EPB41L5: variants seen among roughly 807,000 people sequenced by gnomAD.
The protein encoded by EPB41L5 is band 4.1-like protein 5.
A neutral mutation model predicts 106.6 loss-of-function variants in EPB41L5; 55 were observed. The observed-to-expected ratio is 0.52, with a 90% CI of 0.42 to 0.65. The LOEUF is 0.65. Among genes scored for constraint, EPB41L5 ranks in the 30% least tolerant of loss-of-function variants. The probability of loss-of-function intolerance (pLI) is 0.00; values close to 1 mark genes in which losing one functional copy is unlikely to be tolerated. For synonymous variants in EPB41L5, 297 were observed against 306.7 expected (o/e 0.97, Z 0.33); for missense variants, 871 against 882.1 (o/e 0.99, Z 0.16).
chr2:120,017,887 C>A (rs986131535), intron 1 of EPB41L5, among the ~76,000 whole-genome samples: 2 of 152,166 alleles, frequency 1.3e-5, no homozygotes, highest in Non-Finnish European at 2.9e-5. Flanking sequence ...AGCTCCGCCT[C>A]CCGGGTTCAC....
chr2:120,130,320 G>C (rs950234290), intron 17 of EPB41L5, among the ~76,000 whole-genome samples: 3 of 152,142 alleles, frequency 2.0e-5, no homozygotes, highest in African/African-American at 4.8e-5. Flanking sequence ...AAATCAATCA[G>C]TGAGAATAAT....
intron 3 of EPB41L5, among the ~76,000 whole-genome samples, chr2:120,049,743 A>AACTAGCTC (rs1183925588): frequency 5.9e-5 from 9 of 152,254 alleles, no homozygotes; most frequent in African/African-American, 2.2e-4. Context: ...TAGTTGATGC[A>AACTAGCTC]GTTTCTTCCT....
chr2:120,048,120 C>CTCT (rs142761651), intron 3 of EPB41L5, among the ~76,000 whole-genome samples: 2 of 151,034 alleles, frequency 1.3e-5, no homozygotes, highest in African/African-American at 2.4e-5. Context: ...GTCTAAAATT[C>CTCT]TTTTTTTGTT....
At chr2:120,173,365 G>T (rs996326027) in intron 24 of EPB41L5, among the ~76,000 whole-genome samples, 1 of 152,100 alleles carries the variant, frequency 6.6e-6, no homozygotes, top group Admixed American at 6.5e-5. Context: ...GAACTTTGGG[G>T]GGTCGTGAGG....
chr2:120,040,189 G>GT (rs1394589064), intron 2 of EPB41L5, among the ~76,000 whole-genome samples: 1 of 151,980 alleles, frequency 6.6e-6, no homozygotes, highest in Non-Finnish European at 1.5e-5. Context: ...AACAATAGAG[G>GT]TTGACGTCTA....
intron 24 of EPB41L5, among the ~76,000 whole-genome samples, chr2:120,172,399 A>G (rs1280492656): frequency 1.3e-5 from 2 of 152,164 alleles, no homozygotes; most frequent in African/African-American, 4.8e-5. Flanking sequence ...AGCAAAGGGG[A>G]AAAACGGAGT....
rs758852776 is a variant in EPB41L5 at position 120,104,238 on chromosome 2, T to C, written c.1337+3424T>C. The C allele has an allele frequency of 2.5e-5, 38 of 1,535,458 alleles. No individual in the cohort carries two copies. The South Asian group carries it at 4.2e-4, about 17-fold the overall frequency. On this transcript the variant is annotated intron_variant, in intron 16 of 24. Transcript: ENST00000263713. ...TGGCCATACAGCCATGACTGAGATA[T>C]GAGTGTTGAGCCTCTTAGGCTTTGG...
At chr2:120,117,400 A>T (rs953512996) in intron 16 of EPB41L5, among the ~76,000 whole-genome samples, 4 of 152,318 alleles carry the variant, frequency 2.6e-5, no homozygotes, top group Admixed American at 1.3e-4. Context: ...TTGCACTTCA[A>T]ATTTACTTGG....
intron 14 of EPB41L5, among the ~76,000 whole-genome samples, chr2:120,098,156 T>TGTGTGTGTGTGTG (rs146897019): frequency 1.8e-4 from 24 of 133,728 alleles, no homozygotes; most frequent in South Asian, 1.0e-3. Context: ...ATTGTTTGTT[T>TGTGTGTGTGTGTG]TGTGTGTGTG....
rs760041175 is a variant in EPB41L5 at position 120,127,889 on chromosome 2, T to C, written c.1501+38T>C. Reference sequence around the variant, plus strand: ...TCCATTATACATCAGTGATACCTTTTTATCTTCCTTTGAAATAAGATATTT... The same window carrying C: ...TCCATTATACATCAGTGATACCTTTCTATCTTCCTTTGAAATAAGATATTT... On this transcript the variant is annotated intron_variant, in intron 17 of 24. Coordinates refer to ENST00000263713, the MANE Select transcript of EPB41L5 (RefSeq NM_020909.4). 8.1e-6 allele frequency: 12 copies of C among 1,477,058 alleles called. No individual in the cohort carries two copies. The East Asian group carries it at 1.9e-4, about 23-fold the overall frequency. 91.5% of individuals were successfully genotyped at this position (1,477,058 alleles called of 1,614,324 possible). A position where few individuals can be genotyped will look rare whatever the true frequency, so the allele number is the denominator to read the frequency against.
chr2:120,153,285 G>A (rs1686758109), intron 20 of EPB41L5, among the ~76,000 whole-genome samples: 1 of 151,734 alleles, frequency 6.6e-6, no homozygotes, highest in South Asian at 2.1e-4. Context: ...CTGTATTTAT[G>A]AATTTTCCAG....
At chr2:120,052,013 G>C (rs755075738) in intron 3 of EPB41L5, among the ~76,000 whole-genome samples, 1 of 152,158 alleles carries the variant, frequency 6.6e-6, no homozygotes, top group Non-Finnish European at 1.5e-5. Flanking sequence ...TTTTAGTACA[G>C]ACAGGGTTTC....
rs777109357 is a variant in EPB41L5, at chr2:120,087,256, T to C, written c.873+16T>C. The C allele has an allele frequency of 2.8e-6, 4 of 1,407,012 alleles. No individual in the cohort carries two copies. The Admixed American group carries it at 5.2e-5, about 18-fold the overall frequency. The allele number at this position is 1,407,012 out of a possible 1,614,324, so 87.2% of individuals were successfully genotyped here. A position where few individuals can be genotyped will look rare whatever the true frequency, so the allele number is the denominator to read the frequency against. ...TGATGATCAGGTAGGAATAAAATTA[T>C]ATTCTATTACTTGTGTAACAGTGAC... On this transcript the variant is annotated intron_variant, in intron 11 of 24. Coordinates refer to ENST00000263713, the MANE Select transcript of EPB41L5 (RefSeq NM_020909.4).
chr2:120,021,563 C>A (rs1490958892), intron 2 of EPB41L5, among the ~76,000 whole-genome samples: 1 of 152,106 alleles, frequency 6.6e-6, no homozygotes, highest in Non-Finnish European at 1.5e-5. Flanking sequence ...ATCGCTTGAA[C>A]CCAGGAGGCA....
At chr2:120,142,751 T>TG (rs1686233388) in intron 18 of EPB41L5, among the ~76,000 whole-genome samples, 1 of 152,190 alleles carries the variant, frequency 6.6e-6, no homozygotes, top group Non-Finnish European at 1.5e-5. Context: ...AACAGGTGGT[T>TG]GGCCAGATTT....
At chr2:120,152,810 G>A (rs559875810) in intron 20 of EPB41L5, among the ~76,000 whole-genome samples, 35 of 152,240 alleles carry the variant, frequency 2.3e-4, no homozygotes, top group African/African-American at 7.7e-4. Context: ...TTTCCATTTC[G>A]TCTTAAGTCA....
intron 3 of EPB41L5, among the ~76,000 whole-genome samples, chr2:120,047,070 A>G (rs1477056143): frequency 6.6e-6 from 1 of 152,150 alleles, no homozygotes; most frequent in Non-Finnish European, 1.5e-5. Flanking sequence ...GTAGCCTTGT[A>G]GTATGGTATG....
chr2:120,142,601 T>C (rs1686224428), intron 18 of EPB41L5, among the ~76,000 whole-genome samples: 1 of 152,134 alleles, frequency 6.6e-6, no homozygotes, highest in African/African-American at 2.4e-5. Context: ...TATTAGTAAA[T>C]AGTAAAGGAC....
intron 16 of EPB41L5, chr2:120,105,176 C>T (rs938119411): frequency 2.0e-6 from 2 of 979,606 alleles, no homozygotes; most frequent in Non-Finnish European, 2.4e-6. Context: ...TTTCAAGCTC[C>T]TTGGTTTAAT....
Sources: gnomAD v4.1 joint callset for allele counts (sites outside exome capture counted in the v4.1 genomes callset) on GRCh38, gnomAD v4.1.1 for gene constraint, MANE v1.5 for transcripts, NCBI Gene and HGNC (gene_info 2026-07-23, HGNC 2026-07-21) for gene names.